The following SARNP variants were observed in gnomAD, a reference collection of about 807,000 sequenced individuals.
SARNP encodes SAP domain-containing ribonucleoprotein.
Under a neutral mutation model 38.1 loss-of-function variants are expected in SARNP, and 5 were observed. The observed-to-expected ratio is 0.13, with a 90% CI of 0.07 to 0.28. The LOEUF (loss-of-function observed/expected upper bound fraction) is 0.28, where lower values mean the gene tolerates loss of function less well. SARNP is among the 10% of genes least tolerant of loss of function. The pLI, the probability that SARNP is intolerant of heterozygous loss-of-function variation, is 1.00. For missense variants in SARNP, 180 were observed against 243.9 expected (o/e 0.74, Z 1.75); for synonymous variants, 84 against 80.6 (o/e 1.04, Z -0.23).
At chr12:55,754,950 A>G (rs1878458850), downstream of SARNP, 2 of 152,242 alleles carry the variant, frequency 1.3e-5, no homozygotes, top group Admixed American at 1.3e-4. Flanking sequence ...CAGGAATAAC[A>G]TAAGGGAAAG....
In SARNP at chr12:55,814,900, A is replaced by G. The variant is rs1012708960; in HGVS notation, c.36+2766T>C. 8.6e-4 allele frequency among the ~76,000 whole-genome samples: 131 copies of G among 151,918 alleles called. 1 individual carries two copies. Among genetic ancestry groups the G allele is most frequent in the Middle Eastern group, 3.4e-3 (1 of 292 alleles). ...AAAAAAAAAAAAAAAGAATGACTGC[A>G]TTTCTACAAAATCCTCAGAAATTTG... On this transcript the variant is annotated intron_variant, in intron 1 of 10. Transcript: ENST00000336133.
downstream of SARNP, chr12:55,753,770 C>CAAAAAAAAA (rs35350773): frequency 3.9e-5 from 2 of 51,098 alleles, no homozygotes; most frequent in African/African-American, 8.6e-5. Context: ...CTCCCATCTC[C>CAAAAAAAAA]AAAAAAAAAA....
downstream of SARNP, chr12:55,753,322 G>C (rs1264682874): frequency 6.6e-6 from 1 of 152,182 alleles, no homozygotes; most frequent in South Asian, 2.1e-4. Flanking sequence ...CATAGCCAAC[G>C]AACTTGCCTT....
chr12:55,772,307 G>A (rs1879030758), intron 9 of SARNP, among the ~76,000 whole-genome samples: 1 of 152,112 alleles, frequency 6.6e-6, no homozygotes, highest in African/African-American at 2.4e-5. Flanking sequence ...TCTAGGGCTG[G>A]TAGGGTGCTA....
chr12:55,767,512 G>A (rs1056356547), intron 9 of SARNP, among the ~76,000 whole-genome samples: 5 of 152,012 alleles, frequency 3.3e-5, no homozygotes, highest in Non-Finnish European at 7.4e-5. Flanking sequence ...TCACGCCGCT[G>A]CACTTCAGTC....
Position 55,813,015 on chromosome 12 carries a change from C to T in SARNP, c.36+4651G>A, listed in dbSNP as rs200741224. Among the ~76,000 whole-genome samples, 8 of 152,024 alleles carry T rather than the reference C, an allele frequency of 5.3e-5. No homozygotes were observed. The East Asian group carries it at 1.5e-3, about 29-fold the overall frequency. On this transcript the variant is annotated intron_variant, in intron 1 of 10. Transcript: ENST00000336133. The stretch of plus-strand genomic sequence containing the variant: ...AGGCTGGAGTGCAATGGCGCGATCT[C>T]GGCTCCTGCAACCTCCGCCTCCTGG...
At position 55,800,863 on chromosome 12, in the gene SARNP, A is replaced by C. The variant is rs199737932; in HGVS notation, c.174T>G (p.Asp58Glu). The C allele has an allele frequency of 1.9e-6, 3 of 1,613,058 alleles. No individual in the cohort carries two copies. The highest frequency in any genetic ancestry group is 2.7e-5 in the African/African-American group (2 of 75,004). Residue 58 changes from aspartate (D) to glutamate (E), a missense_variant, in exon 3 of 11, where the codon GAT (aspartate) becomes GAG (glutamate). By Grantham distance (45) the Asp-to-Glu change is conservative. This residue lies in a region of SARNP where 161 missense variants were observed against 194.1 expected (regional missense o/e 0.83). Transcript: ENST00000336133. Reference protein sequence around the residue: ...EEANEEDVLGDETEEEETKPI... With the variant: ...EEANEEDVLGEETEEEETKPI... ...ACTCTATCCAACTCACCTCTGTTTC[A>C]TCTCCCAGTACATCTTCTTCATTTG...
chr12:55,800,314 G>A (rs1195127519), intron 4 of SARNP, among the ~76,000 whole-genome samples: 2 of 152,138 alleles, frequency 1.3e-5, no homozygotes, highest in East Asian at 1.9e-4. Flanking sequence ...AAGGCTAGGA[G>A]AATTAAACTA....
In SARNP at chr12:55,777,386, T is replaced by TA. The variant is rs1260336490; in HGVS notation, c.501+11688_501+11689insT. 3.8e-4 allele frequency among the ~76,000 whole-genome samples: 58 copies of TA among 152,060 alleles called. 1 individual carries two copies. Among genetic ancestry groups the TA allele is most frequent in the African/African-American group, 1.3e-3 (55 of 41,468 alleles). On this transcript the variant is annotated intron_variant, in intron 9 of 10. Coordinates refer to ENST00000336133, the MANE Select transcript of SARNP (RefSeq NM_033082.4). The stretch of plus-strand genomic sequence containing the variant: ...AAACTTTTCCTTTTTTTTTTATTTT[T>TA]TTTTTTGAGATGGAGTCTCGCTCTG...
intron 9 of SARNP, among the ~76,000 whole-genome samples, chr12:55,788,293 A>G (rs550990384): frequency 1.3e-5 from 2 of 152,242 alleles, no homozygotes; most frequent in African/African-American, 4.8e-5. Flanking sequence ...TAAACTAAAT[A>G]ATATCAGTTA....
chr12:55,753,984 T>C (rs1321852618), downstream of SARNP: 2 of 151,984 alleles, frequency 1.3e-5, no homozygotes, highest in African/African-American at 4.8e-5. Context: ...AAAATAAAAA[T>C]AAGGAAAGCT....
chr12:55,778,339 G>A (rs1292606749), intron 9 of SARNP, among the ~76,000 whole-genome samples: 1 of 152,016 alleles, frequency 6.6e-6, no homozygotes, highest in Non-Finnish European at 1.5e-5. Context: ...TAAAGATGGG[G>A]TTTCACCATG....
intron 9 of SARNP, among the ~76,000 whole-genome samples, chr12:55,769,738 C>T (rs1878950578): frequency 6.6e-6 from 1 of 152,260 alleles, no homozygotes; most frequent in South Asian, 2.1e-4. Context: ...CGTATCCATA[C>T]AACCACTCTG....
intron 9 of SARNP, chr12:55,761,663 C>G (rs1368168933): frequency 6.6e-6 from 1 of 152,152 alleles, no homozygotes; most frequent in Non-Finnish European, 1.5e-5. Context: ...GTATAAGAGT[C>G]TATATATTTT....
chr12:55,794,795 G>A lies in SARNP; in HGVS notation c.377+12C>T. ...ACCCCTATCAGAGGCCCAAAAGGCTGGGGACACTCACCTAGCTGCCCGAGC... is the reference window on the plus strand; with the variant it reads ...ACCCCTATCAGAGGCCCAAAAGGCTAGGGACACTCACCTAGCTGCCCGAGC... On this transcript the variant is annotated intron_variant, in intron 6 of 10. Transcript: ENST00000336133. 2 of 1,568,684 alleles carry A rather than the reference G, an allele frequency of 1.3e-6. No homozygotes were observed. Among genetic ancestry groups the A allele is most frequent in the Admixed American group, 3.4e-5 (2 of 59,268 alleles).
intron 9 of SARNP, among the ~76,000 whole-genome samples, chr12:55,774,448 G>A (rs554097792): frequency 2.0e-5 from 3 of 151,368 alleles, no homozygotes; most frequent in South Asian, 2.1e-4. Context: ...GGCTAGGCAC[G>A]GTGGCTCATG....
chr12:55,773,577 A>G (rs1353533809), intron 9 of SARNP, among the ~76,000 whole-genome samples: 1 of 152,244 alleles, frequency 6.6e-6, no homozygotes, highest in African/African-American at 2.4e-5. Context: ...AAACAAGATC[A>G]GGGCACACTG....
At chr12:55,764,621 G>C (rs556181824) in intron 9 of SARNP, among the ~76,000 whole-genome samples, 130 of 151,414 alleles carry the variant, frequency 8.6e-4, no homozygotes, top group Non-Finnish European at 1.2e-3. Context: ...CAAATCACAA[G>C]GTCAAGATAT....
intron 9 of SARNP, among the ~76,000 whole-genome samples, chr12:55,783,610 A>C (rs570101481): frequency 6.6e-6 from 1 of 152,252 alleles, no homozygotes; most frequent in South Asian, 2.1e-4. Context: ...GGTGGGAGAG[A>C]GATTTCTTTA....
Sources: allele counts gnomAD v4.1 joint callset (sites outside exome capture counted in the v4.1 genomes callset), GRCh38; gene constraint gnomAD v4.1.1; regional missense constraint gnomAD v4.1.1; transcripts MANE v1.5; gene names NCBI Gene and HGNC (gene_info 2026-07-23, HGNC 2026-07-21).